Variants in MIPOL1 observed in about 807,000 individuals in gnomAD.
MIPOL1 encodes mirror-image polydactyly gene 1 protein.
Under a neutral mutation model 60.9 loss-of-function variants are expected in MIPOL1, and 57 were observed. The ratio of observed to expected loss-of-function variants is 0.94; its 90% CI spans 0.76 to 1.17. MIPOL1 has a LOEUF of 1.17. MIPOL1 is among the 50% of genes most tolerant of loss of function. The pLI, the probability that MIPOL1 is intolerant of heterozygous loss-of-function variation, is 0.00. For synonymous variants in MIPOL1, 179 were observed against 168.8 expected, an observed-to-expected ratio of 1.06 and a Z score of -0.47; for missense variants, 551 against 511.6, an observed-to-expected ratio of 1.08 and a Z score of -0.74.
At chr14:37,294,873 A>G (rs1301288129) in intron 7 of MIPOL1, among the ~76,000 whole-genome samples, 1 of 152,182 alleles carries the variant, frequency 6.6e-6, no homozygotes, top group Non-Finnish European at 1.5e-5. Context: ...AAGTTGGAAA[A>G]CACTCTGCAG....
chr14:37,292,349 G>T (rs1020059531), intron 7 of MIPOL1, among the ~76,000 whole-genome samples: 5 of 151,472 alleles, frequency 3.3e-5, no homozygotes, highest in Non-Finnish European at 7.4e-5. Flanking sequence ...TGTTGTATTT[G>T]TGGTGTATTC....
chr14:37,387,176 G>C (rs1004660169), intron 10 of MIPOL1, among the ~76,000 whole-genome samples: 2 of 151,952 alleles, frequency 1.3e-5, no homozygotes, highest in Non-Finnish European at 2.9e-5. Flanking sequence ...TAATGAAACT[G>C]TGAGGAAAAT....
At chr14:37,439,223 G>A (rs1244917989) in intron 11 of MIPOL1, among the ~76,000 whole-genome samples, 1 of 152,142 alleles carries the variant, frequency 6.6e-6, no homozygotes, top group Non-Finnish European at 1.5e-5. Flanking sequence ...ATTCTTCTAA[G>A]CTTGAATAAA....
chr14:37,356,439 T>A (rs2091834645), intron 9 of MIPOL1, among the ~76,000 whole-genome samples: 1 of 152,110 alleles, frequency 6.6e-6, no homozygotes, highest in Non-Finnish European at 1.5e-5. Flanking sequence ...CTCCACCCAG[T>A]TCGAGCTTCC....
At chr14:37,342,649 G>C (rs796607297) in intron 9 of MIPOL1, among the ~76,000 whole-genome samples, 9 of 152,094 alleles carry the variant, frequency 5.9e-5, no homozygotes, top group African/African-American at 1.9e-4. Flanking sequence ...ACCCTCCTCA[G>C]CCTCCCAAAG....
In MIPOL1 at chr14:37,369,644, T is replaced by C. The variant is rs1418247250; in HGVS notation, c.936+20T>C. The C allele has an allele frequency of 6.3e-7, 1 of 1,589,726 alleles. No individual in the cohort carries two copies. Among genetic ancestry groups the C allele is most frequent in the Non-Finnish European group, 8.6e-7 (1 of 1,158,932 alleles). ...CTGAAGGTAAATCTCCGTTCCTTCT[T>C]GCAGGCAAATTAAGGTTGTAAGCCC... On this transcript the variant is annotated intron_variant, in intron 10 of 12. Coordinates refer to ENST00000684589, the MANE Select transcript of MIPOL1 (RefSeq NM_001388067.1).
In MIPOL1 at chr14:37,308,463, AT is replaced by A; in HGVS notation, c.773del (p.Ile258LysfsTer6). 1 of 1,604,502 alleles carries A rather than the reference AT, an allele frequency of 6.2e-7. No individual in the cohort carries two copies. The highest frequency in any genetic ancestry group is 8.5e-7 in the Non-Finnish European group (1 of 1,176,640). ...IYKTKECKMR[I>X]TAEEMSALIE... is the part of the protein sequence containing the mutation. The stretch of plus-strand genomic sequence containing the variant: ...CAAGACCAAGGAATGTAAAATGAGA[AT>A]AACTGCAGAAGAAATGAGTGCACTA... On this transcript the variant is annotated frameshift_variant, in exon 9 of 13. Transcript: ENST00000684589. LOFTEE classifies it high-confidence loss of function.
At chr14:37,297,380 T>G (rs1294191899) in intron 7 of MIPOL1, among the ~76,000 whole-genome samples, 3 of 152,152 alleles carry the variant, frequency 2.0e-5, no homozygotes, top group Non-Finnish European at 4.4e-5. Flanking sequence ...AAGCATTCCC[T>G]TTGAAAACTG....
At chr14:37,516,001 G>A (rs1446555787) in intron 12 of MIPOL1, among the ~76,000 whole-genome samples, 4 of 152,152 alleles carry the variant, frequency 2.6e-5, no homozygotes, top group Non-Finnish European at 5.9e-5. Context: ...TCATTGATGC[G>A]ATCTGAGGGG....
intron 11 of MIPOL1, among the ~76,000 whole-genome samples, chr14:37,466,861 C>A (rs1488472466): frequency 6.6e-6 from 1 of 152,180 alleles, no homozygotes; most frequent in Non-Finnish European, 1.5e-5. Flanking sequence ...GTTTACAGCA[C>A]AGTAGCTATC....
At chr14:37,278,683 A>G (rs2083862236) in intron 6 of MIPOL1, 2 of 151,854 alleles carry the variant, frequency 1.3e-5, no homozygotes, top group African/African-American at 4.8e-5. Flanking sequence ...TGAAATGTCT[A>G]TCCTCCCAAT....
Position 37,548,648 on chromosome 14 carries a change from G to C in MIPOL1, c.*1677G>C, listed in dbSNP as rs572896718. The C allele has an allele frequency of 1.3e-5, 2 of 152,016 alleles. No individual in the cohort carries two copies. The highest frequency in any genetic ancestry group is 4.8e-5 in the African/African-American group (2 of 41,542). 9.4% of individuals were successfully genotyped at this position (152,016 alleles called of 1,614,324 possible). ...AAAGTCATCTGGGAGGTGCAGGTAA[G>C]TAAAGAGAAACAATTTTTGTCACAA... On this transcript the variant is annotated 3_prime_UTR_variant, in exon 13 of 13. Coordinates refer to ENST00000684589, the MANE Select transcript of MIPOL1 (RefSeq NM_001388067.1).
At chr14:37,247,446 C>T (rs1973359712) in intron 2 of MIPOL1, among the ~76,000 whole-genome samples, 1 of 151,692 alleles carries the variant, frequency 6.6e-6, no homozygotes, top group Non-Finnish European at 1.5e-5. Context: ...AATATATACA[C>T]AGTAAATTCA....
At chr14:37,333,847 A>G (rs946993775) in intron 9 of MIPOL1, among the ~76,000 whole-genome samples, 8 of 152,080 alleles carry the variant, frequency 5.3e-5, no homozygotes, top group African/African-American at 1.9e-4. Context: ...ACCGTTAGAG[A>G]AGGCTTGACT....
chr14:37,303,305 T>G (rs1009403773), intron 7 of MIPOL1, among the ~76,000 whole-genome samples: 1 of 151,874 alleles, frequency 6.6e-6, no homozygotes, highest in African/African-American at 2.4e-5. Flanking sequence ...CAACTCAAAC[T>G]TAGCATATCC....
At chr14:37,368,010 A>C (rs1159608674) in intron 9 of MIPOL1, among the ~76,000 whole-genome samples, 1 of 152,056 alleles carries the variant, frequency 6.6e-6, no homozygotes, top group Non-Finnish European at 1.5e-5. Context: ...ATGTGTCACA[A>C]AATTTTCAAG....
Position 37,389,217 on chromosome 14 carries a change from G to A in MIPOL1, c.936+19593G>A, listed in dbSNP as rs200768381. Among the ~76,000 whole-genome samples the A allele has an allele frequency of 2.7e-5, 4 of 150,770 alleles. No homozygotes were observed. The East Asian group carries it at 8.1e-4, about 31-fold the overall frequency. On this transcript the variant is annotated intron_variant, in intron 10 of 12. Transcript: ENST00000684589. ...TTTTCCTACCAGAAACACTAAAAAA[G>A]AATGAAGGGTGGTAAAAAAAAACAA... is the stretch of plus-strand genomic sequence containing the variant.
chr14:37,419,907 AT>A (rs1191667751), intron 10 of MIPOL1, among the ~76,000 whole-genome samples: 2 of 151,896 alleles, frequency 1.3e-5, no homozygotes, highest in East Asian at 3.9e-4. Flanking sequence ...CACCCAGCTA[AT>A]TTTAAAAATT....
chr14:37,262,258 T>A (rs941514951), intron 3 of MIPOL1, among the ~76,000 whole-genome samples: 1 of 151,998 alleles, frequency 6.6e-6, no homozygotes, highest in Non-Finnish European at 1.5e-5. Flanking sequence ...TAGAAGTCAT[T>A]GGGAGCAATC....
Sources: allele counts gnomAD v4.1 joint callset (sites outside exome capture counted in the v4.1 genomes callset), GRCh38; gene constraint gnomAD v4.1.1; transcripts MANE v1.5; gene names NCBI Gene and HGNC (gene_info 2026-07-23, HGNC 2026-07-21).